Variants in DEUP1 observed in about 807,000 individuals in gnomAD.
DEUP1 encodes coiled-coil domain containing 67.
DEUP1 carries 82 observed loss-of-function variants against 87.4 expected under a neutral mutation model. The ratio of observed to expected loss-of-function variants is 0.94; its 90% CI spans 0.78 to 1.13. The LOEUF (loss-of-function observed/expected upper bound fraction) is 1.13. Among genes scored for constraint, DEUP1 ranks in the 50% most tolerant of loss-of-function variants. The pLI is 0.00. For synonymous variants in DEUP1, 214 were observed against 222.7 expected (o/e 0.96, Z 0.35); for missense variants, 663 against 681.5 (o/e 0.97, Z 0.30).
chr11:93,332,963 A>G (rs1943565816), intron 2 of DEUP1, among the ~76,000 whole-genome samples: 1 of 152,282 alleles, frequency 6.6e-6, no homozygotes, highest in East Asian at 1.9e-4. Context: ...CTTGATTGCA[A>G]CTGACTTTGG....
rs1158434386 is a variant in DEUP1 at position 93,432,808 on chromosome 11, A to G, written c.1639-4735A>G. ...GTCAGAGAAATGCTGGCGTGGGAGT[A>G]CTAGATTAAGCATGCTGGAAGGATG... On this transcript the variant is annotated intron_variant, in intron 13 of 13. Transcript: ENST00000298050. Among the ~76,000 whole-genome samples the G allele has an allele frequency of 3.3e-5, 5 of 152,178 alleles. No individual in the cohort carries two copies. In the East Asian group the frequency reaches 9.6e-4, roughly 29 times the overall value.
chr11:93,363,836 T>G (rs1945290357), intron 4 of DEUP1, among the ~76,000 whole-genome samples: 1 of 151,872 alleles, frequency 6.6e-6, no homozygotes, highest in African/African-American at 2.4e-5. Context: ...TAACTAAAAG[T>G]AAGAAAAAAA....
intron 7 of DEUP1, among the ~76,000 whole-genome samples, chr11:93,373,897 A>G (rs996158373): frequency 1.3e-5 from 2 of 152,106 alleles, no homozygotes; most frequent in Non-Finnish European, 2.9e-5. Context: ...ACTAGTTTAC[A>G]TTCCCACCAG....
chr11:93,428,644 A>T (rs1948009098), intron 13 of DEUP1, among the ~76,000 whole-genome samples: 1 of 152,162 alleles, frequency 6.6e-6, no homozygotes, highest in Non-Finnish European at 1.5e-5. Context: ...CACATGTTTT[A>T]AGTGTACAAT....
At chr11:93,386,242 GTTC>G (rs1415252846) in intron 8 of DEUP1, among the ~76,000 whole-genome samples, 3 of 151,834 alleles carry the variant, frequency 2.0e-5, no homozygotes, top group African/African-American at 7.3e-5. Context: ...TCCATTGAGG[GTTC>G]TTCTTAAAAC....
chr11:93,332,403 T>C (rs1943537177), intron 2 of DEUP1, 115 bp downstream of exon 2: 2 of 777,418 alleles, frequency 2.6e-6, no homozygotes, highest in Non-Finnish European at 4.3e-6. Context: ...CAATTATTTT[T>C]GGTGAGGCGG....
chr11:93,367,704 T>A (rs1274634935), intron 5 of DEUP1, among the ~76,000 whole-genome samples: 2 of 152,212 alleles, frequency 1.3e-5, no homozygotes, highest in East Asian at 3.8e-4. Flanking sequence ...TAAATATTAC[T>A]GAATTGAGGG....
intron 2 of DEUP1, among the ~76,000 whole-genome samples, chr11:93,344,364 G>A (rs1944230107): frequency 6.6e-6 from 1 of 152,028 alleles, no homozygotes; most frequent in African/African-American, 2.4e-5. Flanking sequence ...ATATTTTTGA[G>A]TGAGTTTCAG....
chr11:93,356,177 A>G (rs1565302899), intron 3 of DEUP1, among the ~76,000 whole-genome samples: 1 of 152,214 alleles, frequency 6.6e-6, no homozygotes, highest in African/African-American at 2.4e-5. Context: ...GGGAAAAGAA[A>G]TGTTTAAAGG....
rs199661505 is a variant in DEUP1, at chr11:93,358,058, ACATTAAAT to A, written c.297+1021_297+1028del. ...ATAAGGCTGTAAAACAACAACATAA[ACATTAAAT>A]CATTACATATTGGTCAATATAAATA... On this transcript the variant is annotated intron_variant, in intron 4 of 13. Transcript: ENST00000298050. 2.0e-3 allele frequency among the ~76,000 whole-genome samples: 307 copies of A among 152,348 alleles called. 1 individual carries two copies. In the East Asian group the frequency reaches 0.03, roughly 15 times the overall value.
At chr11:93,385,588 T>A (rs767583976) in intron 8 of DEUP1, 45 bp downstream of exon 8, 11 of 1,463,592 alleles carry the variant, frequency 7.5e-6, no homozygotes, top group Non-Finnish European at 1.0e-5. Context: ...GTTCAAAACA[T>A]GATGTTTGAA....
chr11:93,419,340 T>C (rs545016703), intron 13 of DEUP1, among the ~76,000 whole-genome samples: 1 of 152,274 alleles, frequency 6.6e-6, no homozygotes, highest in South Asian at 2.1e-4. Context: ...CAGGCAAGAA[T>C]GTGCTGTGTG....
chr11:93,415,550 A>G (rs1947589506), intron 13 of DEUP1, among the ~76,000 whole-genome samples: 1 of 152,032 alleles, frequency 6.6e-6, no homozygotes, highest in Non-Finnish European at 1.5e-5. Context: ...ATGAGTTATC[A>G]CAAAGGGAAT....
chr11:93,408,843 T>C (rs1328561635), intron 12 of DEUP1, among the ~76,000 whole-genome samples: 1 of 152,092 alleles, frequency 6.6e-6, no homozygotes, highest in African/African-American at 2.4e-5. Context: ...TTGTTGTTTT[T>C]GTTTTTTGGG....
chr11:93,413,783 T>C (rs925293504), intron 12 of DEUP1, among the ~76,000 whole-genome samples: 2 of 152,180 alleles, frequency 1.3e-5, no homozygotes, highest in Non-Finnish European at 2.9e-5. Context: ...TGACTTTCAC[T>C]GAAATAGTGG....
rs1943982621 is a variant in DEUP1, at chr11:93,340,077, TG to T, written c.29+7791del. Among the ~76,000 whole-genome samples, 3 of 152,324 alleles carry T rather than the reference TG, an allele frequency of 2.0e-5. No homozygotes were observed. In the South Asian group the frequency reaches 6.2e-4, roughly 32 times the overall value. The stretch of plus-strand genomic sequence containing the variant: ...TAGAGCTGATACTATGGCTCTGCGA[TG>T]GTATCAGAGACCTCATTGGAGCTTA... On this transcript the variant is annotated intron_variant, in intron 2 of 13. Coordinates refer to ENST00000298050, the MANE Select transcript of DEUP1 (RefSeq NM_181645.4).
intron 11 of DEUP1, among the ~76,000 whole-genome samples, chr11:93,401,848 A>G (rs1194227847): frequency 6.6e-6 from 1 of 152,072 alleles, no homozygotes; most frequent in Non-Finnish European, 1.5e-5. Flanking sequence ...CCAAACAAAA[A>G]TCAAATAAAA....
chr11:93,333,429 A>T (rs1943587010), intron 2 of DEUP1, among the ~76,000 whole-genome samples: 1 of 152,214 alleles, frequency 6.6e-6, no homozygotes. Context: ...GGAGAAAGGC[A>T]AGAAGAGAGA....
chr11:93,389,658 A>G (rs1215385178), intron 9 of DEUP1, among the ~76,000 whole-genome samples: 1 of 152,174 alleles, frequency 6.6e-6, no homozygotes, highest in Non-Finnish European at 1.5e-5. Context: ...CTCCTTTTAC[A>G]TTTGAGGAAA....
Sources: allele counts gnomAD v4.1 joint callset (sites outside exome capture counted in the v4.1 genomes callset), GRCh38; gene constraint gnomAD v4.1.1; transcripts MANE v1.5; gene names NCBI Gene and HGNC (gene_info 2026-07-23, HGNC 2026-07-21).